Variants in ADAMTS9 observed in about 807,000 individuals in gnomAD.
ADAMTS9 encodes ADAM metallopeptidase with thrombospondin type 1 motif 9.
ADAMTS9 carries 107 observed loss-of-function variants against 257.1 expected under a neutral mutation model. That is an observed-to-expected ratio of 0.42 (90% CI 0.36 to 0.49). The LOEUF is 0.49. ADAMTS9 is among the 20% of genes least tolerant of loss of function. The pLI is 0.03. For synonymous variants in ADAMTS9, 982 were observed against 880.9 expected, an observed-to-expected ratio of 1.11 and a Z score of -2.03; for missense variants, 2,353 against 2,469.1, an observed-to-expected ratio of 0.95 and a Z score of 1.00.
chr3:64,539,061 G>T, intron 37 of ADAMTS9, 142 bp downstream of exon 37: 1 of 742,810 alleles, frequency 1.3e-6, no homozygotes, highest in East Asian at 2.7e-5. Context: ...CAGAGCATTT[G>T]AGAGGGTCTT....
At chr3:64,655,458 G>A (rs1294952951) in intron 6 of ADAMTS9, 118 bp downstream of exon 6, 3 of 809,988 alleles carry the variant, frequency 3.7e-6, no homozygotes, top group Non-Finnish European at 6.1e-6. Context: ...AGCCCAAAAT[G>A]TCAACAGTGC....
rs755932200 is a variant in ADAMTS9, at chr3:64,615,382, A to G, written c.3128T>C (p.Val1043Ala). ...GAACTCACTGCACCTCTGAATGGTAACTTTCTCTTGATGTGTGCATTTGCT... is the reference window on the plus strand; with the variant it reads ...GAACTCACTGCACCTCTGAATGGTAGCTTTCTCTTGATGTGTGCATTTGCT... ...DDSKCTHQEK[V>A]TIQRCSEFPC... Residue 1043 changes from valine to alanine, a missense_variant, in exon 21 of 40, where the codon GTT becomes GCT. By Grantham distance (64) the Val-to-Ala change is moderately conservative. Coordinates refer to ENST00000498707, the MANE Select transcript of ADAMTS9 (RefSeq NM_182920.2). 6.2e-7 allele frequency: 1 copy of G among 1,614,002 alleles called. No individual in the cohort carries two copies. The highest frequency in any genetic ancestry group is 1.1e-5 in the South Asian group (1 of 91,080).
chr3:64,559,691 T>C (rs2083388015), intron 30 of ADAMTS9, among the ~76,000 whole-genome samples: 1 of 152,240 alleles, frequency 6.6e-6, no homozygotes, highest in South Asian at 2.1e-4. Flanking sequence ...ATTTTAGGCA[T>C]ATTGTGCATG....
At chr3:64,667,689 A>G (rs1701383298) in intron 3 of ADAMTS9, among the ~76,000 whole-genome samples, 1 of 152,144 alleles carries the variant, frequency 6.6e-6, no homozygotes, top group Non-Finnish European at 1.5e-5. Context: ...TCCATTCTGT[A>G]GCTCCTTCAA....
rs2083206885 is a variant in ADAMTS9, at chr3:64,546,866, G to A, written c.4956C>T (p.Ser1652=). ...IYTGKENYEY[S]YQTTINCPGT... ...CTGGGCAGTTGATGGTGGTTTGGTA[G>A]CTGTATTCATAATTCTCCTTCCCGG... Residue 1652 remains serine, a synonymous_variant, in exon 32 of 40, where the codon AGC becomes AGT. Coordinates refer to ENST00000498707, the MANE Select transcript of ADAMTS9 (RefSeq NM_182920.2). 6.2e-7 allele frequency: 1 copy of A among 1,614,048 alleles called. No individual in the cohort carries two copies. Among genetic ancestry groups the A allele is most frequent in the African/African-American group, 1.3e-5 (1 of 74,926 alleles).
Position 64,561,715 on chromosome 3 carries a change from G to A in ADAMTS9, c.4561C>T (p.His1521Tyr). ...TGTGTTCCGATCTGACAGCCCACAT[G>A]CCTCTGCTGTACGCCTCGGCCACAG... is the stretch of plus-strand genomic sequence containing the variant. The part of the protein sequence containing the change: ...VSCGRGVQQR[H>Y]VGCQIGTHKI... Residue 1521 changes from histidine (H) to tyrosine (Y), a missense_variant, in exon 30 of 40, where the codon CAT (histidine) becomes TAT (tyrosine). By Grantham distance (83) the His-to-Tyr change is moderately conservative. Transcript: ENST00000498707. 6.2e-7 allele frequency: 1 copy of A among 1,610,556 alleles called. No homozygotes were observed. Among genetic ancestry groups the A allele is most frequent in the East Asian group, 2.2e-5 (1 of 44,492 alleles).
At chr3:64,520,445 A>G (rs1024407542) in intron 39 of ADAMTS9, among the ~76,000 whole-genome samples, 5 of 152,228 alleles carry the variant, frequency 3.3e-5, no homozygotes, top group African/African-American at 1.2e-4. Flanking sequence ...GAACTATTCT[A>G]AAATTGATAT....
At chr3:64,633,079 T>A (rs1700408899) in intron 14 of ADAMTS9, among the ~76,000 whole-genome samples, 1 of 152,200 alleles carries the variant, frequency 6.6e-6, no homozygotes, top group African/African-American at 2.4e-5. Context: ...GGCCAGCTCT[T>A]CTTCCTGACA....
At chr3:64,520,952 T>C (rs538400763) in intron 39 of ADAMTS9, among the ~76,000 whole-genome samples, 1 of 152,076 alleles carries the variant, frequency 6.6e-6, no homozygotes, top group Non-Finnish European at 1.5e-5. Flanking sequence ...AATGGAGACC[T>C]AACTAAATTA....
chr3:64,529,363 A>T (rs1347259581), intron 38 of ADAMTS9, among the ~76,000 whole-genome samples: 1 of 151,994 alleles, frequency 6.6e-6, no homozygotes, highest in Non-Finnish European at 1.5e-5. Flanking sequence ...GCTTTCCTTT[A>T]GTTTTGCTTG....
intron 38 of ADAMTS9, among the ~76,000 whole-genome samples, chr3:64,530,286 A>C (rs901958864): frequency 7.3e-6 from 1 of 136,194 alleles, no homozygotes; most frequent in Non-Finnish European, 1.7e-5. Context: ...TCAGGAAGGA[A>C]ATACAATATA....
At chr3:64,613,303 A>G in intron 22 of ADAMTS9, 42 bp downstream of exon 22, 1 of 1,597,320 alleles carries the variant, frequency 6.3e-7, no homozygotes. Flanking sequence ...CCAGATAAGA[A>G]GGAAAGAATG....
chr3:64,664,765 T>A (rs766475727), intron 3 of ADAMTS9, among the ~76,000 whole-genome samples: 1 of 152,220 alleles, frequency 6.6e-6, no homozygotes, highest in Non-Finnish European at 1.5e-5. Flanking sequence ...GAATATATTT[T>A]TGTTCTTCTT....
At chr3:64,543,903 A>T (rs914318149) in intron 32 of ADAMTS9, among the ~76,000 whole-genome samples, 2 of 152,248 alleles carry the variant, frequency 1.3e-5, no homozygotes, top group African/African-American at 4.8e-5. Context: ...TTAAGCTGAT[A>T]AGCAACTTCA....
intron 25 of ADAMTS9, among the ~76,000 whole-genome samples, chr3:64,603,136 G>A (rs1261887036): frequency 6.6e-6 from 1 of 152,144 alleles, no homozygotes; most frequent in Non-Finnish European, 1.5e-5. Flanking sequence ...CTGTAAAGTA[G>A]TATTCTTTTC....
chr3:64,614,726 CTT>C (rs146888801), intron 21 of ADAMTS9: 4,144 of 152,258 alleles, frequency 0.027, 163 homozygotes, highest in African/African-American at 0.087. Context: ...TCTTCTTTCT[CTT>C]GTTGTCCTGG....
At chr3:64,557,769 C>G (rs150755424) in intron 30 of ADAMTS9, among the ~76,000 whole-genome samples, 23 of 152,330 alleles carry the variant, frequency 1.5e-4, no homozygotes, top group African/African-American at 5.3e-4. Context: ...AATTCAGAGT[C>G]AACTTTTCAG....
intron 19 of ADAMTS9, among the ~76,000 whole-genome samples, chr3:64,616,462 T>A (rs58420131): frequency 0.028 from 4,322 of 152,208 alleles, 202 homozygotes; most frequent in African/African-American, 0.096. Context: ...AAGGAAAACA[T>A]TTTTTTCAAG....
intron 38 of ADAMTS9, among the ~76,000 whole-genome samples, chr3:64,532,150 C>G (rs139015495): frequency 2.6e-5 from 4 of 152,156 alleles, no homozygotes; most frequent in South Asian, 2.1e-4. Flanking sequence ...ACAGTCGACA[C>G]GCTCCTCAGT....
Sources: allele counts gnomAD v4.1 joint callset (sites outside exome capture counted in the v4.1 genomes callset), GRCh38; gene constraint gnomAD v4.1.1; transcripts MANE v1.5; gene names NCBI Gene and HGNC (gene_info 2026-07-23, HGNC 2026-07-21).